Variants in CDHR2 observed in about 807,000 individuals in gnomAD.
The protein encoded by CDHR2 is cadherin related family member 2.
In CDHR2, 104 loss-of-function variants were observed where a neutral mutation model predicts 138.6. That is an observed-to-expected ratio of 0.75 (90% CI 0.64 to 0.88). The LOEUF is 0.88. Among genes scored for constraint, CDHR2 ranks in the 40% least tolerant of loss-of-function variants. The probability of loss-of-function intolerance (pLI) is 0.00; values close to 1 mark genes in which losing one functional copy is unlikely to be tolerated. For synonymous variants in CDHR2, 755 were observed against 742.8 expected (o/e 1.02, Z -0.27); for missense variants, 1,624 against 1,727.6 (o/e 0.94, Z 1.06).
chr5:176,567,823 G>A (rs572983600), intron 3 of CDHR2, among the ~76,000 whole-genome samples: 23 of 152,270 alleles, frequency 1.5e-4, no homozygotes, highest in African/African-American at 5.5e-4. Context: ...ATAGATGGGG[G>A]TCTCGCTATG....
At position 176,595,527 on chromosome 5, in the gene CDHR2, T is replaced by G. The variant is rs750387948; in HGVS notation, c.3793-5T>G. On this transcript the variant is annotated splice_polypyrimidine_tract_variant and splice_region_variant and intron_variant, in intron 31 of 31. Coordinates refer to ENST00000261944, the MANE Select transcript of CDHR2 (RefSeq NM_017675.6). ...CCTTCACACCTCCTCTCCCTCTCCC[T>G]GCAGGAGCACAGGCCACCACACACA... is the stretch of plus-strand genomic sequence containing the variant. 6.3e-7 allele frequency: 1 copy of G among 1,592,026 alleles called. No homozygotes were observed. Among genetic ancestry groups the G allele is most frequent in the Non-Finnish European group, 8.6e-7 (1 of 1,168,064 alleles).
Position 176,577,979 on chromosome 5 carries a change from G to A in CDHR2, c.1513-55G>A, listed in dbSNP as rs1025963908. The stretch of plus-strand genomic sequence containing the variant: ...AGCTCTGTCCCCACGAGCTGCATGG[G>A]TGGCGGTGCGTGCATCGCCTCCACA... On this transcript the variant is annotated intron_variant, in intron 14 of 31. Coordinates refer to ENST00000261944, the MANE Select transcript of CDHR2 (RefSeq NM_017675.6). 1.9e-6 allele frequency: 3 copies of A among 1,556,098 alleles called. No homozygotes were observed. The African/African-American group carries it at 4.1e-5, about 21-fold the overall frequency.
chr5:176,593,439 G>A (rs1473886717), intron 31 of CDHR2, among the ~76,000 whole-genome samples: 3 of 148,434 alleles, frequency 2.0e-5, no homozygotes, highest in Non-Finnish European at 2.9e-5. Flanking sequence ...AAGCCGCTCA[G>A]GGGGTGCTAA....
Position 176,571,698 on chromosome 5 carries a change from G to A in CDHR2, c.405+396G>A, listed in dbSNP as rs559102842. ...ACTACAGGCGCCCGCCACCTCGCCC[G>A]CCTAATTTTTTGCATTTTTAGTAGA... On this transcript the variant is annotated intron_variant, in intron 6 of 31. Coordinates refer to ENST00000261944, the MANE Select transcript of CDHR2 (RefSeq NM_017675.6). 1.8e-4 allele frequency among the ~76,000 whole-genome samples: 28 copies of A among 152,090 alleles called. No individual in the cohort carries two copies. The East Asian group carries it at 2.1e-3, about 12-fold the overall frequency.
chr5:176,576,757 A>G lies in CDHR2; in HGVS notation c.1194+572A>G, dbSNP rs1026965115. Reference sequence around the variant, plus strand: ...TCGCCCAGCTAATTTTTGTGTTTTTAGTAGAGATGGAGTTTCACCATGTTG... The same window carrying G: ...TCGCCCAGCTAATTTTTGTGTTTTTGGTAGAGATGGAGTTTCACCATGTTG... On this transcript the variant is annotated intron_variant, in intron 12 of 31. Transcript: ENST00000261944. This position sits in a 1 kb window ranked among gnomAD's most constrained non-coding sequence, Gnocchi z 4.5. Among the ~76,000 whole-genome samples, 1 of 151,902 alleles carries G rather than the reference A, an allele frequency of 6.6e-6. No homozygotes were observed. Among genetic ancestry groups the G allele is most frequent in the Admixed American group, 6.6e-5 (1 of 15,240 alleles).
rs200775476 is a variant in CDHR2 at position 176,576,124 on chromosome 5, A to T, written c.1133A>T (p.Glu378Val). 70 of 1,613,948 alleles carry T rather than the reference A, an allele frequency of 4.3e-5. No homozygotes were observed. The highest frequency in any genetic ancestry group is 5.6e-5 in the Non-Finnish European group (66 of 1,180,046). ...AQVNFTGYVD[E>V]HASPRIPIDD... ...GTGAACTTCACTGGCTACGTGGACGAGCATGCCTCCCCCCGCATCCCCATC... is the reference window on the plus strand; with the variant it reads ...GTGAACTTCACTGGCTACGTGGACGTGCATGCCTCCCCCCGCATCCCCATC... Residue 378 changes from glutamate to valine, a missense_variant, in exon 12 of 32, where the codon GAG becomes GTG. Around this residue, in one of 3 missense-constraint regions of CDHR2, gnomAD observed 1,061 missense variants for 1,136.6 expected, o/e 0.93. Coordinates refer to ENST00000261944, the MANE Select transcript of CDHR2 (RefSeq NM_017675.6). This position sits in a 1 kb window ranked among gnomAD's most constrained non-coding sequence, Gnocchi z 4.5.
chr5:176,577,216 C>T (rs1255713625), intron 12 of CDHR2, among the ~76,000 whole-genome samples, 183 bp from the exon 13 acceptor site: 1 of 152,166 alleles, frequency 6.6e-6, no homozygotes, highest in East Asian at 1.9e-4. Flanking sequence ...TCTACAGAGC[C>T]TGCATTTGCA....
chr5:176,563,577 T>C (rs138467743), intron 1 of CDHR2, among the ~76,000 whole-genome samples: 2,706 of 152,340 alleles, frequency 0.018, 29 homozygotes, highest in Middle Eastern at 0.051. Context: ...CCTCAGGTCC[T>C]GTTTATAATT....
At chr5:176,577,060 T>C (rs1166660509) in intron 12 of CDHR2, among the ~76,000 whole-genome samples, 5 of 135,742 alleles carry the variant, frequency 3.7e-5, no homozygotes, top group Non-Finnish European at 7.7e-5. Flanking sequence ...TGGGGTGACG[T>C]AGGGTGTGAG....
At position 176,581,274 on chromosome 5, in the gene CDHR2, G is replaced by A. The variant is rs767578912; in HGVS notation, c.1819-69G>A. Reference sequence around the variant, plus strand: ...GGGCCAGCGCTGGAGAGGAGGGTCCGGCTGCATCGGAGGGGCTGGGGGCTG... The same window carrying A: ...GGGCCAGCGCTGGAGAGGAGGGTCCAGCTGCATCGGAGGGGCTGGGGGCTG... On this transcript the variant is annotated intron_variant, in intron 16 of 31. Transcript: ENST00000261944. The A allele has an allele frequency of 3.8e-4, 606 of 1,589,218 alleles. 1 individual carries two copies. Among genetic ancestry groups the A allele is most frequent in the Non-Finnish European group, 4.7e-4 (552 of 1,172,786 alleles).
intron 31 of CDHR2, among the ~76,000 whole-genome samples, chr5:176,593,724 T>A (rs114489589): frequency 1.2e-3 from 177 of 152,296 alleles, no homozygotes; most frequent in African/African-American, 4.1e-3. Context: ...CAACCTGACT[T>A]CATGGTTCAG....
At chr5:176,566,467 G>A (rs772027691) in intron 3 of CDHR2, among the ~76,000 whole-genome samples, 22 of 152,228 alleles carry the variant, frequency 1.4e-4, no homozygotes, top group African/African-American at 2.4e-5. Flanking sequence ...ATAGGTGGCC[G>A]GGTTGGTTGG....
intron 1 of CDHR2, among the ~76,000 whole-genome samples, chr5:176,556,482 T>A (rs370410371): frequency 6.6e-6 from 1 of 152,150 alleles, no homozygotes; most frequent in East Asian, 1.9e-4. Context: ...CCGGCTAACA[T>A]GGTGAAACCC....
intron 31 of CDHR2, among the ~76,000 whole-genome samples, chr5:176,593,642 C>T (rs761675378): frequency 1.2e-4 from 19 of 152,294 alleles, no homozygotes; most frequent in Admixed American, 3.3e-4. Flanking sequence ...TGTGGTGCTG[C>T]GGGGGATCCA....
chr5:176,578,154 T>A, intron 15 of CDHR2, 59 bp downstream of exon 15: 1 of 1,494,058 alleles, frequency 6.7e-7, no homozygotes, highest in Non-Finnish European at 9.2e-7. Flanking sequence ...CCCACCTCTC[T>A]GCCTCTCTGC....
At chr5:176,575,672 G>C (rs985995103) in intron 10 of CDHR2, 52 bp from the exon 11 acceptor site, 2 of 1,597,398 alleles carry the variant, frequency 1.3e-6, no homozygotes, top group Non-Finnish European at 1.7e-6. Context: ...CTGGGGCTCC[G>C]TCAGAGCCAC....
At position 176,576,284 on chromosome 5, in the gene CDHR2, G is replaced by A; in HGVS notation, c.1194+99G>A. 3.3e-6 allele frequency: 3 copies of A among 917,700 alleles called. No homozygotes were observed. The highest frequency in any genetic ancestry group is 5.0e-6 in the Non-Finnish European group (3 of 600,808). 56.8% of individuals were successfully genotyped at this position (917,700 alleles called of 1,614,324 possible). On this transcript the variant is annotated intron_variant, in intron 12 of 31. Transcript: ENST00000261944. This position sits in a 1 kb window ranked among gnomAD's most constrained non-coding sequence, Gnocchi z 4.5. ...TCATGTGGTGCTGGGTGGCGGTGCT[G>A]GTGGTGCAGGGTGTGATGGCGGAGA...
chr5:176,571,153 C>A, intron 5 of CDHR2, 60 bp from the exon 6 acceptor site: 1 of 1,121,272 alleles, frequency 8.9e-7, no homozygotes, highest in Non-Finnish European at 1.3e-6. Flanking sequence ...ACGATACTTG[C>A]AACTTTTCTG....
intron 1 of CDHR2, among the ~76,000 whole-genome samples, chr5:176,562,308 AG>A (rs1215705719): frequency 6.6e-6 from 1 of 151,982 alleles, no homozygotes; most frequent in African/African-American, 2.4e-5. Context: ...GAGGGCGGCC[AG>A]TATGGGATGG....
Sources: allele counts gnomAD v4.1 joint callset (sites outside exome capture counted in the v4.1 genomes callset), GRCh38; gene constraint gnomAD v4.1.1; regional missense constraint gnomAD v4.1.1; non-coding constraint Gnocchi (gnomAD v3.1); transcripts MANE v1.5; gene names NCBI Gene and HGNC (gene_info 2026-07-23, HGNC 2026-07-21).